The following GALNS variants were observed in gnomAD, a reference collection of about 807,000 sequenced individuals.
The protein encoded by GALNS is N-acetylgalactosamine-6-sulfatase.
GALNS carries 65 observed loss-of-function variants against 65.9 expected under a neutral mutation model. That is an observed-to-expected ratio of 0.99 (90% CI 0.81 to 1.21). GALNS has a LOEUF of 1.21. GALNS is among the 50% of genes most tolerant of loss of function. The probability of loss-of-function intolerance (pLI) is 0.00; values close to 1 mark genes in which losing one functional copy is unlikely to be tolerated. For synonymous variants in GALNS, 346 were observed against 288.9 expected, an observed-to-expected ratio of 1.20 and a Z score of -2.00; for missense variants, 776 against 700.7, an observed-to-expected ratio of 1.11 and a Z score of -1.21.
At chr16:88,841,355 C>T (rs1325306617) in intron 3 of GALNS, among the ~76,000 whole-genome samples, 1 of 152,186 alleles carries the variant, frequency 6.6e-6, no homozygotes, top group Non-Finnish European at 1.5e-5. Context: ...CCTTGGGACT[C>T]CTGCCCACCC....
intron 1 of GALNS, among the ~76,000 whole-genome samples, chr16:88,853,251 C>CAAAAAA (rs34618279): frequency 1.7e-4 from 11 of 64,596 alleles, no homozygotes; most frequent in Admixed American, 3.6e-4. Flanking sequence ...GACTCCATCT[C>CAAAAAA]AAAAAAAAAA....
chr16:88,828,796 G>A (rs960463387), intron 9 of GALNS, among the ~76,000 whole-genome samples: 2 of 152,222 alleles, frequency 1.3e-5, no homozygotes, highest in South Asian at 2.1e-4. Flanking sequence ...GGAGCCGGGC[G>A]GCGCTGGGGT....
At chr16:88,832,251 G>C in intron 8 of GALNS, 150 bp from the exon 9 acceptor site, 1 of 737,820 alleles carries the variant, frequency 1.4e-6, no homozygotes, top group Non-Finnish European at 2.4e-6. Flanking sequence ...GCCTCGGGGT[G>C]GCTCTCCAGG....
intron 7 of GALNS, among the ~76,000 whole-genome samples, 162 bp downstream of exon 7, chr16:88,835,563 C>T (rs1028978778): frequency 1.3e-5 from 2 of 152,232 alleles, no homozygotes; most frequent in African/African-American, 4.8e-5. Flanking sequence ...CACCACAGCC[C>T]TCCTCTGCTG....
intron 3 of GALNS, 102 bp downstream of exon 3, chr16:88,841,795 C>T: frequency 9.6e-7 from 1 of 1,041,536 alleles, no homozygotes; most frequent in Non-Finnish European, 1.5e-6. Flanking sequence ...GGTACCCCAC[C>T]TGCAGCTTGC....
intron 1 of GALNS, among the ~76,000 whole-genome samples, chr16:88,854,901 C>G (rs1408083116): frequency 6.6e-6 from 1 of 152,236 alleles, no homozygotes; most frequent in Non-Finnish European, 1.5e-5. Context: ...GTTCTTTAGG[C>G]GTCAGCTGCC....
chr16:88,824,395 T>C (rs1771110286), intron 11 of GALNS, among the ~76,000 whole-genome samples: 3 of 152,040 alleles, frequency 2.0e-5, no homozygotes, highest in South Asian at 4.1e-4. Flanking sequence ...GCGGCCCCCA[T>C]GTAGCACCTG....
intron 1 of GALNS, among the ~76,000 whole-genome samples, chr16:88,854,053 C>T (rs1478569525): frequency 1.3e-5 from 2 of 152,238 alleles, no homozygotes; most frequent in Non-Finnish European, 2.9e-5. Context: ...GCCCAGGCCC[C>T]CCACTGCCCA....
intron 13 of GALNS, chr16:88,814,726 T>C: frequency 2.8e-6 from 1 of 352,182 alleles, no homozygotes; most frequent in Non-Finnish European, 4.0e-6. Context: ...CCTGAGTGAG[T>C]AGCTGCTGGG....
intron 6 of GALNS, 107 bp downstream of exon 6, chr16:88,836,094 G>A (rs931623923): frequency 1.4e-5 from 16 of 1,184,066 alleles, no homozygotes; most frequent in African/African-American, 1.1e-4. Flanking sequence ...TGCCTCCCAC[G>A]GGGTGAGGTT....
chr16:88,850,451 C>T (rs1243739081), intron 1 of GALNS, among the ~76,000 whole-genome samples: 1 of 152,180 alleles, frequency 6.6e-6, no homozygotes, highest in Non-Finnish European at 1.5e-5. Context: ...GCGGAAAATG[C>T]TGTAAAGGGA....
chr16:88,832,238 C>T (rs1439016329), intron 8 of GALNS, 137 bp from the exon 9 acceptor site: 20 of 807,934 alleles, frequency 2.5e-5, no homozygotes, highest in South Asian at 4.4e-5. Context: ...GTGCATGATC[C>T]GAGCCTCGGG....
intron 1 of GALNS, chr16:88,844,668 A>AACACATTCT (rs1226203025): frequency 2.0e-5 from 3 of 152,328 alleles, no homozygotes; most frequent in African/African-American, 7.2e-5. Flanking sequence ...TGGGAAAGAC[A>AACACATTCT]ACACATTCTA....
At position 88,824,670 on chromosome 16, in the gene GALNS, C is replaced by A. The variant is rs73251097; in HGVS notation, c.1242+97G>T. 0.016 allele frequency: 15,822 copies of A among 1,001,896 alleles called. 1,503 individuals are homozygous for A. The African/African-American group carries it at 0.22, about 14-fold the overall frequency. The allele number at this position is 1,001,896 out of a possible 1,614,324, so 62.1% of individuals were successfully genotyped here. ...TGGAGGGGGTGGAGTTCCTGCCTGT[C>A]TCACCCTCCTGTGCCTCCCCCAGGA... On this transcript the variant is annotated intron_variant, in intron 11 of 13. Transcript: ENST00000268695.
chr16:88,840,377 G>A (rs974169378), intron 4 of GALNS: 1 of 156,498 alleles, frequency 6.4e-6, no homozygotes, highest in Non-Finnish European at 1.4e-5. Context: ...GCTCCAACAA[G>A]TGGAGAGAAA....
In GALNS at chr16:88,825,692, G is replaced by A. The variant is rs544824483; in HGVS notation, c.1140-823C>T. 5.9e-5 allele frequency among the ~76,000 whole-genome samples: 9 copies of A among 152,170 alleles called. No homozygotes were observed. The East Asian group carries it at 9.6e-4, about 16-fold the overall frequency. On this transcript the variant is annotated intron_variant, in intron 10 of 13. Transcript: ENST00000268695. ...GCTGGGCCAGACCCTGGGGAGGGTG[G>A]GCAGACAAGAGGATAAGCAGGCGGC...
intron 2 of GALNS, chr16:88,842,359 C>T: frequency 3.9e-6 from 2 of 512,048 alleles, no homozygotes; most frequent in South Asian, 4.2e-5. Flanking sequence ...GAGACTCTCC[C>T]CAGGGAGGGA....
chr16:88,820,630 T>C (rs952057904), intron 12 of GALNS, among the ~76,000 whole-genome samples: 4 of 152,208 alleles, frequency 2.6e-5, no homozygotes, highest in African/African-American at 9.6e-5. Context: ...GAAATAACCC[T>C]GCCTTCTCCA....
intron 3 of GALNS, 115 bp from the exon 4 acceptor site, chr16:88,841,209 C>T (rs776899228): frequency 4.1e-5 from 34 of 823,754 alleles, no homozygotes; most frequent in Non-Finnish European, 6.6e-5. Flanking sequence ...ACTGGCCCCT[C>T]GGGGTCAAAG....
Sources: gnomAD v4.1 joint callset for allele counts (sites outside exome capture counted in the v4.1 genomes callset) on GRCh38, gnomAD v4.1.1 for gene constraint, MANE v1.5 for transcripts, NCBI Gene and HGNC (gene_info 2026-07-23, HGNC 2026-07-21) for gene names.